SV2C: variants seen among roughly 807,000 people sequenced by gnomAD.
SV2C encodes the protein solute carrier family 22 member B3.
A neutral mutation model predicts 79.7 loss-of-function variants in SV2C; 49 were observed. The observed-to-expected ratio is 0.61, with a 90% CI of 0.49 to 0.78. The LOEUF is 0.78. SV2C is among the 30% of genes least tolerant of loss of function. The probability of loss-of-function intolerance (pLI) is 0.00; values close to 1 mark genes in which losing one functional copy is unlikely to be tolerated. For missense variants in SV2C, 833 were observed against 912.9 expected (o/e 0.91, Z 1.13); for synonymous variants, 334 against 333.2 (o/e 1.00, Z -0.03).
intron 4 of SV2C, among the ~76,000 whole-genome samples, chr5:76,282,415 G>A (rs564375212): frequency 3.3e-5 from 5 of 152,210 alleles, no homozygotes; most frequent in Admixed American, 2.0e-4. Flanking sequence ...AAGCTTTGGC[G>A]CAGTCTGGGA....
chr5:75,940,156 C>T, the SV2C span, among the ~76,000 whole-genome samples: 1 of 152,020 alleles, frequency 6.6e-6, no homozygotes, highest in Non-Finnish European at 1.5e-5. Context: ...GTTTATTTAA[C>T]AAACAAAATT....
chr5:76,269,417 G>A (rs1204026365), intron 4 of SV2C, among the ~76,000 whole-genome samples: 2 of 152,178 alleles, frequency 1.3e-5, no homozygotes, highest in African/African-American at 2.4e-5. Context: ...AGATGTAACT[G>A]CTGGCCTGTA....
intron 2 of SV2C, among the ~76,000 whole-genome samples, chr5:76,165,314 C>A (rs1314227111): frequency 6.6e-6 from 1 of 152,106 alleles, no homozygotes; most frequent in Non-Finnish European, 1.5e-5. Context: ...CAAATACAGA[C>A]TTTATTTGGA....
chr5:76,309,672 C>T (rs1410829110), intron 12 of SV2C, among the ~76,000 whole-genome samples: 1 of 141,796 alleles, frequency 7.1e-6, no homozygotes, highest in Non-Finnish European at 1.5e-5. Flanking sequence ...GAAAAGTCAA[C>T]ACTCAACATG....
chr5:75,998,217 G>A, the SV2C span, among the ~76,000 whole-genome samples: 4 of 152,132 alleles, frequency 2.6e-5, no homozygotes, highest in East Asian at 1.9e-4. Context: ...GGGAGGGATA[G>A]CATTAGGAGA....
the SV2C span, chr5:75,910,526 C>T: frequency 1.6e-6 from 1 of 633,072 alleles, no homozygotes; most frequent in Non-Finnish European, 2.9e-6. Context: ...GTTGTTGGGG[C>T]TTTGTTCAAA....
intron 4 of SV2C, among the ~76,000 whole-genome samples, chr5:76,277,041 G>T (rs1378715887): frequency 1.3e-5 from 2 of 152,166 alleles, no homozygotes; most frequent in Non-Finnish European, 2.9e-5. Context: ...AATTAAAATT[G>T]TGATGAGATA....
At chr5:75,850,976 A>G in the SV2C span, among the ~76,000 whole-genome samples, 1 of 152,182 alleles carries the variant, frequency 6.6e-6, no homozygotes. Context: ...GAAGAAAGGC[A>G]GACTCATAGC....
At chr5:75,876,194 A>G in the SV2C span, among the ~76,000 whole-genome samples, 1 of 152,192 alleles carries the variant, frequency 6.6e-6, no homozygotes, top group Non-Finnish European at 1.5e-5. Flanking sequence ...GACAGATTGC[A>G]TAAAGAAAAC....
intron 8 of SV2C, 146 bp from the exon 9 acceptor site, chr5:76,295,632 G>A: frequency 1.5e-6 from 1 of 681,236 alleles, no homozygotes; most frequent in Non-Finnish European, 2.3e-6. Flanking sequence ...AGGGACACAT[G>A]GATTGCTGTA....
At chr5:75,949,945 C>T in the SV2C span, among the ~76,000 whole-genome samples, 4 of 151,908 alleles carry the variant, frequency 2.6e-5, no homozygotes, top group Non-Finnish European at 4.4e-5. Context: ...GTAAGAAAAA[C>T]GGGGAGTTAA....
At chr5:75,920,707 T>A in the SV2C span, 1 of 753,686 alleles carries the variant, frequency 1.3e-6, no homozygotes, top group Admixed American at 1.7e-5. Context: ...GCACTGCCGG[T>A]GTGGAACCAC....
At chr5:76,146,249 C>T (rs1749416506) in intron 2 of SV2C, among the ~76,000 whole-genome samples, 1 of 152,118 alleles carries the variant, frequency 6.6e-6, no homozygotes, top group Middle Eastern at 3.4e-3. Context: ...TCTTGGATGT[C>T]ACGCAAGAAA....
intron 12 of SV2C, among the ~76,000 whole-genome samples, chr5:76,339,446 G>A (rs924054814): frequency 1.3e-5 from 2 of 152,108 alleles, no homozygotes; most frequent in South Asian, 4.1e-4. Context: ...TGGGCATGGT[G>A]GCTCACGCCT....
the SV2C span, among the ~76,000 whole-genome samples, chr5:75,892,495 A>G: frequency 1.3e-5 from 2 of 151,824 alleles, no homozygotes; most frequent in South Asian, 4.2e-4. Context: ...GGTATATTGC[A>G]TGATGCTGAG....
chr5:76,137,584 A>T (rs1749110032), intron 2 of SV2C, among the ~76,000 whole-genome samples: 1 of 152,208 alleles, frequency 6.6e-6, no homozygotes, highest in Non-Finnish European at 1.5e-5. Context: ...ACAATGACTA[A>T]TGAAGGTATC....
chr5:76,079,007 C>A (rs75243229), upstream of SV2C: 5,222 of 441,008 alleles, frequency 0.012, 49 homozygotes, highest in Non-Finnish European at 0.018. Context: ...CGATTACCAC[C>A]TGTAGTTTGA....
At chr5:75,888,308 G>A in the SV2C span, among the ~76,000 whole-genome samples, 19 of 150,976 alleles carry the variant, frequency 1.3e-4, no homozygotes, top group South Asian at 1.0e-3. Context: ...ATCTGAAGCC[G>A]AGCTTAAAGT....
rs116375699 is a variant in SV2C at position 76,236,898 on chromosome 5, G to T, written c.913+27011G>T. Among the ~76,000 whole-genome samples, 1,157 of 152,272 alleles carry T rather than the reference G, an allele frequency of 7.6e-3. 8 individuals carry two copies. Among genetic ancestry groups the T allele is most frequent in the Non-Finnish European group, 0.011 (775 of 68,026 alleles). ...AACAGGTGGAGGTAATTGCATCCTG[G>T]GGGTAGTTTCCCCCATGCTGTTCTC... On this transcript the variant is annotated intron_variant, in intron 4 of 12. Coordinates refer to ENST00000502798, the MANE Select transcript of SV2C (RefSeq NM_014979.4).
Sources: gnomAD v4.1 joint callset for allele counts (sites outside exome capture counted in the v4.1 genomes callset) on GRCh38, gnomAD v4.1.1 for gene constraint, MANE v1.5 for transcripts, NCBI Gene and HGNC (gene_info 2026-07-23, HGNC 2026-07-21) for gene names.